KIF16B: variants seen among roughly 807,000 people sequenced by gnomAD.
The protein encoded by KIF16B is kinesin family member 16B, also known as kinesin-like protein KIF16B.
Under a neutral mutation model 156.3 loss-of-function variants are expected in KIF16B, and 98 were observed. The observed-to-expected ratio is 0.63, with a 90% CI of 0.53 to 0.74. KIF16B has a LOEUF of 0.74. KIF16B is among the 30% of genes least tolerant of loss of function. The pLI, the probability that KIF16B is intolerant of heterozygous loss-of-function variation, is 0.00. For missense variants in KIF16B, 1,421 were observed against 1,606.5 expected (o/e 0.88, Z 1.97); for synonymous variants, 564 against 583.7 (o/e 0.97, Z 0.49).
intron 23 of KIF16B, among the ~76,000 whole-genome samples, chr20:16,348,280 A>G (rs192921387): frequency 1.3e-5 from 2 of 152,386 alleles, no homozygotes; most frequent in East Asian, 3.9e-4. Flanking sequence ...TGGAAGGTAC[A>G]TTAAAATGAG....
At chr20:16,310,295 A>G (rs915257675) in intron 25 of KIF16B, among the ~76,000 whole-genome samples, 5 of 152,218 alleles carry the variant, frequency 3.3e-5, no homozygotes, top group Admixed American at 6.5e-5. Flanking sequence ...TCAACAGCTG[A>G]TGGTTTAGAA....
intron 10 of KIF16B, among the ~76,000 whole-genome samples, chr20:16,503,239 A>G (rs187849110): frequency 1.3e-5 from 2 of 152,282 alleles, no homozygotes; most frequent in Non-Finnish European, 2.9e-5. Context: ...AAAGATTCCA[A>G]TAACAAGGTG....
chr20:16,352,557 T>G (rs1191234617), intron 23 of KIF16B, among the ~76,000 whole-genome samples: 1 of 152,192 alleles, frequency 6.6e-6, no homozygotes, highest in East Asian at 1.9e-4. Flanking sequence ...ACACGCCCTG[T>G]GTCGTCCCTG....
chr20:16,368,752 G>C, intron 22 of KIF16B: 2 of 985,862 alleles, frequency 2.0e-6, no homozygotes, highest in Non-Finnish European at 2.4e-6. Flanking sequence ...CTCCTCATGG[G>C]AAATGCCTTC....
At chr20:16,438,769 CT>C (rs2066715289) in intron 12 of KIF16B, among the ~76,000 whole-genome samples, 1 of 152,100 alleles carries the variant, frequency 6.6e-6, no homozygotes, top group Admixed American at 6.6e-5. Context: ...CAGGAAATGA[CT>C]TTTTTATTTT....
intron 7 of KIF16B, 50 bp downstream of exon 7, chr20:16,507,908 C>A (rs758068269): frequency 5.6e-6 from 9 of 1,603,718 alleles, no homozygotes; most frequent in African/African-American, 1.3e-5. Context: ...TGCTAATCAG[C>A]AAGTAAAGAC....
chr20:16,325,900 A>T (rs1206532656), intron 24 of KIF16B, among the ~76,000 whole-genome samples: 2 of 152,174 alleles, frequency 1.3e-5, no homozygotes, highest in East Asian at 1.9e-4. Context: ...TTCAAACTAT[A>T]CTATAAGGCT....
chr20:16,381,819 AG>A (rs1236496482), intron 17 of KIF16B, 72 bp from the exon 18 acceptor site: 6 of 1,234,664 alleles, frequency 4.9e-6, no homozygotes, highest in Non-Finnish European at 6.9e-6. Flanking sequence ...CTCTGTATAC[AG>A]AGTCACATAT....
At chr20:16,331,185 C>T (rs1328452337) in intron 24 of KIF16B, among the ~76,000 whole-genome samples, 1 of 152,220 alleles carries the variant, frequency 6.6e-6, no homozygotes. Context: ...TTAAGAAGAA[C>T]TTTCACATTC....
chr20:16,446,491 A>G (rs1299507812), intron 12 of KIF16B, among the ~76,000 whole-genome samples: 1 of 152,192 alleles, frequency 6.6e-6, no homozygotes, highest in Non-Finnish European at 1.5e-5. Context: ...ACTCTTGCCT[A>G]CAGTGACATT....
At chr20:16,436,834 C>A (rs1156509883) in intron 12 of KIF16B, among the ~76,000 whole-genome samples, 1 of 152,058 alleles carries the variant, frequency 6.6e-6, no homozygotes, top group Non-Finnish European at 1.5e-5. Context: ...TAAAAGGCTA[C>A]AAAAAGGAAG....
At chr20:16,463,695 A>C (rs1182842129) in intron 12 of KIF16B, among the ~76,000 whole-genome samples, 2 of 152,174 alleles carry the variant, frequency 1.3e-5, no homozygotes, top group Non-Finnish European at 2.9e-5. Context: ...TGATAGGTCC[A>C]GGTAAAGCCT....
At chr20:16,275,638 TA>T (rs1218327759) in intron 25 of KIF16B, among the ~76,000 whole-genome samples, 6 of 152,286 alleles carry the variant, frequency 3.9e-5, no homozygotes, top group Middle Eastern at 3.4e-3. Flanking sequence ...TCCATATCCC[TA>T]ACTTACTGGT....
chr20:16,310,297 G>A (rs964646016), intron 25 of KIF16B, among the ~76,000 whole-genome samples: 1 of 152,206 alleles, frequency 6.6e-6, no homozygotes, highest in African/African-American at 2.4e-5. Flanking sequence ...AACAGCTGAT[G>A]GTTTAGAAGG....
intron 14 of KIF16B, among the ~76,000 whole-genome samples, chr20:16,427,535 G>A (rs970870797): frequency 1.3e-5 from 2 of 152,036 alleles, no homozygotes; most frequent in Middle Eastern, 3.2e-3. Context: ...GAAAACAGTC[G>A]AGTAACTTGT....
At chr20:16,411,946 G>A (rs1293650889) in intron 15 of KIF16B, among the ~76,000 whole-genome samples, 2 of 151,022 alleles carry the variant, frequency 1.3e-5, no homozygotes, top group Non-Finnish European at 3.0e-5. Context: ...GTGTGTGTGT[G>A]TGTGTGTGTG....
chr20:16,500,927 A>G (rs1340319334), intron 10 of KIF16B, among the ~76,000 whole-genome samples: 1 of 151,896 alleles, frequency 6.6e-6, no homozygotes, highest in Non-Finnish European at 1.5e-5. Context: ...TCATTTCTAT[A>G]CTGTTTGATT....
At chr20:16,388,342 T>C (rs914143288) in intron 17 of KIF16B, among the ~76,000 whole-genome samples, 2 of 152,222 alleles carry the variant, frequency 1.3e-5, no homozygotes, top group Non-Finnish European at 2.9e-5. Flanking sequence ...TTATTTGGGA[T>C]AGTAAAACTC....
chr20:16,491,131 G>A (rs563077934), intron 12 of KIF16B, among the ~76,000 whole-genome samples: 28 of 152,266 alleles, frequency 1.8e-4, no homozygotes, highest in African/African-American at 6.0e-4. Context: ...GCTTCAAGAT[G>A]GATTTTGCTA....
Sources: allele counts gnomAD v4.1 joint callset (sites outside exome capture counted in the v4.1 genomes callset), GRCh38; gene constraint gnomAD v4.1.1; transcripts MANE v1.5; gene names NCBI Gene and HGNC (gene_info 2026-07-23, HGNC 2026-07-21).